The following CCDC88C variants were observed in gnomAD, a reference collection of about 807,000 sequenced individuals.
The protein encoded by CCDC88C is coiled-coil and HOOK domain protein 88C.
CCDC88C carries 131 observed loss-of-function variants against 198.8 expected under a neutral mutation model. The observed-to-expected ratio is 0.66, with a 90% CI of 0.57 to 0.76. The LOEUF is 0.76. Among genes scored for constraint, CCDC88C ranks in the 30% least tolerant of loss-of-function variants. The probability of loss-of-function intolerance (pLI) is 0.00; values close to 1 mark genes in which losing one functional copy is unlikely to be tolerated. For synonymous variants in CCDC88C, 1,166 were observed against 1,114.7 expected (o/e 1.05, Z -0.92); for missense variants, 2,553 against 2,631.6 (o/e 0.97, Z 0.65).
rs535048214 is a variant in CCDC88C, at chr14:91,295,717, C to A, written c.3967-1399G>T. ...AGCACGGCTCCGAGCACAGCCACGC[C>A]CTCATCACTTCGCTTATGCTGCTTC... On this transcript the variant is annotated intron_variant, in intron 22 of 29. Coordinates refer to ENST00000389857, the MANE Select transcript of CCDC88C (RefSeq NM_001080414.4). Among the ~76,000 whole-genome samples, 20 of 152,316 alleles carry A rather than the reference C, an allele frequency of 1.3e-4. No homozygotes were observed. In the South Asian group the frequency reaches 4.1e-3, roughly 32 times the overall value.
chr14:91,390,287 C>T (rs754025480), intron 3 of CCDC88C, among the ~76,000 whole-genome samples: 3 of 152,060 alleles, frequency 2.0e-5, no homozygotes, highest in African/African-American at 4.8e-5. Flanking sequence ...TTAAGCACGG[C>T]GTCTGGCACA....
At position 91,314,030 on chromosome 14, in the gene CCDC88C, G is replaced by T. The variant is rs764253431; in HGVS notation, c.1786C>A (p.His596Asn). ...KDVEKENKAL[H>N]QTVTEANGKL... ...CCATTGGCCTCCGTCACCGTCTGGTGGAGGGCTTTGTTCTCCTTCTCCACG... is the reference window on the plus strand; with the variant it reads ...CCATTGGCCTCCGTCACCGTCTGGTTGAGGGCTTTGTTCTCCTTCTCCACG... Residue 596 changes from histidine (H) to asparagine (N), a missense_variant, in exon 15 of 30, where the codon CAC becomes AAC. This residue lies in a region of CCDC88C where 1,260 missense variants were observed against 1,412.0 expected (regional missense o/e 0.89). Transcript: ENST00000389857. 3 of 1,613,928 alleles carry T rather than the reference G, an allele frequency of 1.9e-6. No individual in the cohort carries two copies. The South Asian group carries it at 3.3e-5, about 18-fold the overall frequency.
chr14:91,375,109 T>C (rs1026407566), intron 3 of CCDC88C, among the ~76,000 whole-genome samples: 27 of 152,224 alleles, frequency 1.8e-4, no homozygotes, highest in African/African-American at 6.5e-4. Flanking sequence ...TCGAGTCTCC[T>C]TCTTGGGCTG....
intron 27 of CCDC88C, among the ~76,000 whole-genome samples, chr14:91,280,562 T>C (rs1056091313): frequency 6.6e-6 from 1 of 152,214 alleles, no homozygotes; most frequent in Non-Finnish European, 1.5e-5. Flanking sequence ...CCATTGTTTA[T>C]TCAAGTACTG....
chr14:91,304,403 T>C (rs1474626389), intron 19 of CCDC88C, among the ~76,000 whole-genome samples: 1 of 152,098 alleles, frequency 6.6e-6, no homozygotes, highest in African/African-American at 2.4e-5. Context: ...AGCAACATAG[T>C]GAGACCCCAT....
chr14:91,392,445 G>A (rs1425547441), intron 3 of CCDC88C, among the ~76,000 whole-genome samples: 3 of 152,072 alleles, frequency 2.0e-5, no homozygotes, highest in Non-Finnish European at 4.4e-5. Flanking sequence ...CTTTTCAAGG[G>A]GAAAGAGAAA....
chr14:91,272,908 G>A lies in CCDC88C; in HGVS notation c.5804C>T (p.Pro1935Leu), dbSNP rs768391153. The A allele has an allele frequency of 2.4e-5, 38 of 1,578,814 alleles. No homozygotes were observed. Among genetic ancestry groups the A allele is most frequent in the Middle Eastern group, 1.7e-4 (1 of 6,032 alleles). The part of the protein sequence containing the change: ...QLLHFSPAAA[P>L]AARTKPKAPP... ...CGCCTTGGGCTTGGTCCTGGCAGCCGGGGCTGCAGCAGGTGAGAAGTGCAG... is the reference window on the plus strand; with the variant it reads ...CGCCTTGGGCTTGGTCCTGGCAGCCAGGGCTGCAGCAGGTGAGAAGTGCAG... The change falls in exon 30 of 30, where the codon CCG (proline) becomes CTG (leucine). Residue 1935 changes from proline to leucine, a missense_variant. Coordinates refer to ENST00000389857, the MANE Select transcript of CCDC88C (RefSeq NM_001080414.4).
chr14:91,341,780 G>A (rs1489579399), intron 6 of CCDC88C, among the ~76,000 whole-genome samples: 1 of 152,224 alleles, frequency 6.6e-6, no homozygotes, highest in East Asian at 1.9e-4. Context: ...GCAAAGGGCC[G>A]GGAAGGTCAG....
Position 91,275,603 on chromosome 14 carries a change from G to A in CCDC88C, c.5059-1950C>T, listed in dbSNP as rs539374245. Among the ~76,000 whole-genome samples the A allele has an allele frequency of 6.3e-4, 96 of 151,554 alleles. 1 individual carries two copies. Among genetic ancestry groups the A allele is most frequent in the African/African-American group, 2.3e-3 (95 of 41,280 alleles). On this transcript the variant is annotated intron_variant, in intron 29 of 29. Coordinates refer to ENST00000389857, the MANE Select transcript of CCDC88C (RefSeq NM_001080414.4). Reference sequence around the variant, plus strand: ...AGAGATTCTCCTGCCTCAACCTCCCGAGTAGCTGGGATCACAGGCACCCAC... The same window carrying A: ...AGAGATTCTCCTGCCTCAACCTCCCAAGTAGCTGGGATCACAGGCACCCAC...
chr14:91,293,468 T>C (rs1272009001), intron 23 of CCDC88C, among the ~76,000 whole-genome samples: 9 of 109,384 alleles, frequency 8.2e-5, no homozygotes, highest in East Asian at 2.6e-4. Flanking sequence ...CTTCCCATCC[T>C]CACCTGCCAC....
At chr14:91,351,203 T>G (rs903954217) in intron 4 of CCDC88C, among the ~76,000 whole-genome samples, 2 of 152,260 alleles carry the variant, frequency 1.3e-5, no homozygotes, top group African/African-American at 4.8e-5. Flanking sequence ...TCTTCTCTTC[T>G]GGCTTACATG....
intron 4 of CCDC88C, among the ~76,000 whole-genome samples, chr14:91,358,784 T>C (rs1339532831): frequency 6.6e-6 from 1 of 151,946 alleles, no homozygotes; most frequent in Non-Finnish European, 1.5e-5. Context: ...GTTATAGGAG[T>C]GAGCCACTGC....
At chr14:91,317,774 A>G (rs914607849) in intron 13 of CCDC88C, among the ~76,000 whole-genome samples, 4 of 152,098 alleles carry the variant, frequency 2.6e-5, no homozygotes, top group Admixed American at 1.3e-4. Flanking sequence ...CCACGGCAGG[A>G]GAGGCTGGCG....
At chr14:91,388,199 A>AG (rs1885263867) in intron 3 of CCDC88C, among the ~76,000 whole-genome samples, 1 of 152,206 alleles carries the variant, frequency 6.6e-6, no homozygotes, top group African/African-American at 2.4e-5. Flanking sequence ...GCGGCCAGCA[A>AG]GCGGGAGACG....
At chr14:91,412,296 T>A (rs1334778311) in intron 2 of CCDC88C, among the ~76,000 whole-genome samples, 1 of 152,240 alleles carries the variant, frequency 6.6e-6, no homozygotes, top group Non-Finnish European at 1.5e-5. Context: ...GGACACGTAT[T>A]AATATATATC....
intron 15 of CCDC88C, among the ~76,000 whole-genome samples, chr14:91,311,182 GAAGT>G (rs1891807569): frequency 6.6e-6 from 1 of 152,228 alleles, no homozygotes; most frequent in Admixed American, 6.5e-5. Flanking sequence ...TGGTGAGCAA[GAAGT>G]AAGCCTTGGC....
Position 91,311,709 on chromosome 14 carries a change from C to T in CCDC88C, c.2736+1371G>A, listed in dbSNP as rs937979389. 4.6e-5 allele frequency among the ~76,000 whole-genome samples: 7 copies of T among 152,184 alleles called. No individual in the cohort carries two copies. In the East Asian group the frequency reaches 5.8e-4, roughly 13 times the overall value. Reference sequence around the variant, plus strand: ...TTTCCCAGAGCAGCCATCTACTCACCCCAGCATACTAAACAAATGCCCAGG... The same window carrying T: ...TTTCCCAGAGCAGCCATCTACTCACTCCAGCATACTAAACAAATGCCCAGG... On this transcript the variant is annotated intron_variant, in intron 15 of 29. Coordinates refer to ENST00000389857, the MANE Select transcript of CCDC88C (RefSeq NM_001080414.4).
rs1308467388 is a variant in CCDC88C at position 91,272,353 on chromosome 14, A to C, written c.*272T>G. 1 of 481,528 alleles carries C rather than the reference A, an allele frequency of 2.1e-6. No homozygotes were observed. Among genetic ancestry groups the C allele is most frequent in the Non-Finnish European group, 3.7e-6 (1 of 270,382 alleles). The allele number at this position is 481,528 out of a possible 1,614,324, so 29.8% of individuals were successfully genotyped here. A position where few individuals can be genotyped will look rare whatever the true frequency, so the allele number is the denominator to read the frequency against. On this transcript the variant is annotated 3_prime_UTR_variant, in exon 30 of 30. Transcript: ENST00000389857. Reference sequence around the variant, plus strand: ...GGAAGTCAGTTTGTCATTGCATCCTAATTGGTCCCCATGCTGACGTGGATT... The same window carrying C: ...GGAAGTCAGTTTGTCATTGCATCCTCATTGGTCCCCATGCTGACGTGGATT...
At chr14:91,332,827 A>G (rs1892889950) in intron 10 of CCDC88C, among the ~76,000 whole-genome samples, 1 of 152,114 alleles carries the variant, frequency 6.6e-6, no homozygotes. Flanking sequence ...GTGATTACCA[A>G]GTGCCTTGTG....
Sources: allele counts gnomAD v4.1 joint callset (sites outside exome capture counted in the v4.1 genomes callset), GRCh38; gene constraint gnomAD v4.1.1; regional missense constraint gnomAD v4.1.1; transcripts MANE v1.5; gene names NCBI Gene and HGNC (gene_info 2026-07-23, HGNC 2026-07-21).